Variants in SLIT3 observed in about 807,000 individuals in gnomAD.
The protein encoded by SLIT3 is slit guidance ligand 3, also known as slit homolog 3 protein.
SLIT3 carries 68 observed loss-of-function variants against 184.0 expected under a neutral mutation model. The observed-to-expected ratio is 0.37, with a 90% CI of 0.30 to 0.45. The LOEUF is 0.45. Ranked by LOEUF, SLIT3 falls within the 20% of genes least tolerant of loss-of-function variation. The pLI is 1.00. For synonymous variants in SLIT3, 831 were observed against 828.6 expected (o/e 1.00, Z -0.05); for missense variants, 1,707 against 2,026.0 (o/e 0.84, Z 3.02).
chr5:168,782,273 A>G (rs2113565377), intron 12 of SLIT3, among the ~76,000 whole-genome samples: 1 of 152,306 alleles, frequency 6.6e-6, no homozygotes, highest in East Asian at 1.9e-4. Context: ...CGGGTTTAAA[A>G]GCTTCCACCT....
At chr5:168,746,985 T>A (rs1377724597) in intron 20 of SLIT3, among the ~76,000 whole-genome samples, 1 of 130,918 alleles carries the variant, frequency 7.6e-6, no homozygotes, top group African/African-American at 2.9e-5. Context: ...TGTGGTGGTG[T>A]GGATGTGTGG....
chr5:169,238,511 C>T (rs1765277371), intron 3 of SLIT3, among the ~76,000 whole-genome samples: 1 of 146,348 alleles, frequency 6.8e-6, no homozygotes, highest in African/African-American at 2.5e-5. Flanking sequence ...AAATAAATTT[C>T]CCTGTAGTTT....
intron 3 of SLIT3, among the ~76,000 whole-genome samples, chr5:169,240,093 AACT>A (rs1184977654): frequency 3.3e-5 from 5 of 151,970 alleles, no homozygotes; most frequent in Non-Finnish European, 7.4e-5. Context: ...TTTTCTTATT[AACT>A]TCTTGATTAT....
intron 5 of SLIT3, among the ~76,000 whole-genome samples, chr5:168,868,723 G>A (rs1232102523): frequency 5.5e-4 from 79 of 144,930 alleles, no homozygotes; most frequent in Non-Finnish European, 8.9e-5. Flanking sequence ...ACACCAGCCC[G>A]GGTGGCAGTG....
At chr5:169,076,019 G>A (rs906676395) in intron 4 of SLIT3, among the ~76,000 whole-genome samples, 5 of 152,242 alleles carry the variant, frequency 3.3e-5, no homozygotes, top group Non-Finnish European at 7.3e-5. Flanking sequence ...GGTGAGAGGT[G>A]TTAAGGGAAG....
chr5:168,728,296 A>ATATATATATATATATG (rs1310303189), intron 20 of SLIT3, among the ~76,000 whole-genome samples: 1 of 150,468 alleles, frequency 6.6e-6, no homozygotes, highest in East Asian at 2.0e-4. Context: ...ATATATATAT[A>ATATATATATATATATG]TATATCCTCA....
chr5:168,986,996 T>C (rs987706274), intron 4 of SLIT3, among the ~76,000 whole-genome samples: 1 of 152,162 alleles, frequency 6.6e-6, no homozygotes, highest in Non-Finnish European at 1.5e-5. Flanking sequence ...TGCAGTGAGC[T>C]GAGATCATGC....
chr5:168,978,008 A>T (rs1371674395), intron 4 of SLIT3, among the ~76,000 whole-genome samples: 1 of 151,952 alleles, frequency 6.6e-6, no homozygotes, highest in Admixed American at 6.6e-5. Flanking sequence ...ACTGAATCCA[A>T]CCTCCCAGCC....
At chr5:168,722,853 C>T in intron 22 of SLIT3, 80 bp downstream of exon 22, 2 of 1,090,400 alleles carry the variant, frequency 1.8e-6, no homozygotes, top group Non-Finnish European at 2.8e-6. Context: ...AGAAACTAGT[C>T]CTGCTGGGAG....
intron 3 of SLIT3, among the ~76,000 whole-genome samples, chr5:169,226,580 G>A (rs1764819036): frequency 6.6e-6 from 1 of 152,116 alleles, no homozygotes; most frequent in Non-Finnish European, 1.5e-5. Flanking sequence ...CACCTTGCAG[G>A]CTAGCTCAGA....
rs1242342557 is a variant in SLIT3 at position 168,780,048 on chromosome 5, T to A, written c.1152-5670A>T. ...TTGCAAAGTTTGGAAAACACAGACA[T>A]CTGGAGTCAGGCTTAATGATCAATT... On this transcript the variant is annotated intron_variant, in intron 12 of 35. Coordinates refer to ENST00000519560, the MANE Select transcript of SLIT3 (RefSeq NM_003062.4). Among the ~76,000 whole-genome samples, 11 of 152,368 alleles carry A rather than the reference T, an allele frequency of 7.2e-5. No homozygotes were observed. The East Asian group carries it at 2.1e-3, about 29-fold the overall frequency.
At chr5:168,827,094 C>A (rs1359619300) in intron 6 of SLIT3, among the ~76,000 whole-genome samples, 2 of 152,122 alleles carry the variant, frequency 1.3e-5, no homozygotes, top group Non-Finnish European at 2.9e-5. Flanking sequence ...CTCCAATTAT[C>A]CCACGAGGCA....
intron 4 of SLIT3, among the ~76,000 whole-genome samples, chr5:169,141,590 T>C (rs989567395): frequency 2.6e-5 from 4 of 151,086 alleles, no homozygotes; most frequent in Non-Finnish European, 4.4e-5. Context: ...ATACAAAAAA[T>C]TAGCCAGGCG....
At chr5:169,193,188 A>C (rs1360699635) in intron 4 of SLIT3, among the ~76,000 whole-genome samples, 1 of 152,144 alleles carries the variant, frequency 6.6e-6, no homozygotes, top group Non-Finnish European at 1.5e-5. Flanking sequence ...GTAAGTTCAG[A>C]CCCACAATCC....
At chr5:169,247,247 C>CTT (rs3046019) in intron 2 of SLIT3, among the ~76,000 whole-genome samples, 76,767 of 150,904 alleles carry the variant, frequency 0.51, 20,934 homozygotes, top group East Asian at 0.78. Flanking sequence ...TTTCCCTTCT[C>CTT]GTCTTCCTTT....
At chr5:169,251,982 T>C (rs1328102683) in intron 1 of SLIT3, among the ~76,000 whole-genome samples, 1 of 152,224 alleles carries the variant, frequency 6.6e-6, no homozygotes, top group Non-Finnish European at 1.5e-5. Flanking sequence ...CCTGTGAATG[T>C]CCAGACTCAC....
intron 5 of SLIT3, among the ~76,000 whole-genome samples, chr5:168,862,890 G>A (rs1413620259): frequency 2.0e-5 from 3 of 152,134 alleles, no homozygotes; most frequent in Non-Finnish European, 4.4e-5. Flanking sequence ...GGCTAGGCTG[G>A]TCTCGAACCC....
chr5:168,692,499 T>TGA (rs140300466), intron 29 of SLIT3, 108 bp downstream of exon 29: 390 of 659,604 alleles, frequency 5.9e-4, no homozygotes, highest in South Asian at 3.6e-3. Context: ...GAGAAGCACA[T>TGA]GAGAGAGAGA....
intron 6 of SLIT3, among the ~76,000 whole-genome samples, chr5:168,830,536 C>T (rs1179845802): frequency 6.6e-6 from 1 of 152,190 alleles, no homozygotes; most frequent in East Asian, 1.9e-4. Context: ...TGAAGCTTGC[C>T]AAAATCTTCC....
Sources: gnomAD v4.1 joint callset for allele counts (sites outside exome capture counted in the v4.1 genomes callset) on GRCh38, gnomAD v4.1.1 for gene constraint, MANE v1.5 for transcripts, NCBI Gene and HGNC (gene_info 2026-07-23, HGNC 2026-07-21) for gene names.